Variants in PTPRG observed in about 807,000 individuals in gnomAD.
The protein encoded by PTPRG is receptor-type tyrosine-protein phosphatase gamma.
Under a neutral mutation model 165.3 loss-of-function variants are expected in PTPRG, and 102 were observed. The ratio of observed to expected loss-of-function variants is 0.62; its 90% CI spans 0.53 to 0.73. The LOEUF is 0.73. Among genes scored for constraint, PTPRG ranks in the 30% least tolerant of loss-of-function variants. The probability of loss-of-function intolerance (pLI) is 0.00; values close to 1 mark genes in which losing one functional copy is unlikely to be tolerated. For missense variants in PTPRG, 1,866 were observed against 1,861.4 expected (o/e 1.00, Z -0.05); for synonymous variants, 675 against 669.5 (o/e 1.01, Z -0.13).
At chr3:62,227,389 G>C (rs142568884) in intron 13 of PTPRG, among the ~76,000 whole-genome samples, 3 of 152,218 alleles carry the variant, frequency 2.0e-5, no homozygotes, top group African/African-American at 7.2e-5. Flanking sequence ...CTGTGAAGAC[G>C]TAGGAAAGGG....
At chr3:61,571,505 ATAAG>A (rs1367853125) in intron 1 of PTPRG, among the ~76,000 whole-genome samples, 2 of 152,208 alleles carry the variant, frequency 1.3e-5, no homozygotes, top group Admixed American at 6.5e-5. Context: ...CTACAATTAA[ATAAG>A]TAAGTAATGC....
chr3:61,914,191 G>T (rs2038874538), intron 2 of PTPRG, among the ~76,000 whole-genome samples: 1 of 152,132 alleles, frequency 6.6e-6, no homozygotes, highest in Non-Finnish European at 1.5e-5. Flanking sequence ...CTGGCTTTTT[G>T]ACTTCTTTGA....
At chr3:61,807,046 A>T (rs1359583857) in intron 2 of PTPRG, among the ~76,000 whole-genome samples, 1 of 152,212 alleles carries the variant, frequency 6.6e-6, no homozygotes, top group Non-Finnish European at 1.5e-5. Context: ...GTGATTTATC[A>T]CATGGACGGA....
At position 62,252,227 on chromosome 3, in the gene PTPRG, A is replaced by C. The variant is rs896688976; in HGVS notation, c.2468-2897A>C. Among the ~76,000 whole-genome samples the C allele has an allele frequency of 2.0e-5, 3 of 152,060 alleles. No homozygotes were observed. The highest frequency in any genetic ancestry group is 7.2e-5 in the African/African-American group (3 of 41,396). ...ACTGTTCTTGCTCTCCCTTGTGTTC[A>C]TCTCTTCACCAACACAAATGTCCTT... On this transcript the variant is annotated intron_variant, in intron 15 of 29. Transcript: ENST00000474889. The surrounding 1 kb of genome is among the most constrained non-coding windows in gnomAD (Gnocchi z 4.6).
chr3:62,058,358 A>C (rs936510796), intron 4 of PTPRG, among the ~76,000 whole-genome samples: 1 of 151,816 alleles, frequency 6.6e-6, no homozygotes, highest in African/African-American at 2.4e-5. Context: ...TTTTTTAGAG[A>C]CTGGGTTTTG....
chr3:62,022,782 C>T (rs1403843518), intron 4 of PTPRG, among the ~76,000 whole-genome samples: 1 of 152,266 alleles, frequency 6.6e-6, no homozygotes, highest in South Asian at 2.1e-4. Flanking sequence ...CTGCCCCTTG[C>T]ATTTCAAAGG....
intron 5 of PTPRG, among the ~76,000 whole-genome samples, chr3:62,127,418 A>G (rs1703334341): frequency 6.6e-6 from 1 of 152,160 alleles, no homozygotes; most frequent in African/African-American, 2.4e-5. Context: ...TCATACAGCA[A>G]ATTAGCTTCT....
chr3:61,909,718 C>T (rs375806671), intron 2 of PTPRG, among the ~76,000 whole-genome samples: 28 of 150,094 alleles, frequency 1.9e-4, no homozygotes, highest in African/African-American at 6.6e-4. Context: ...TAGGACTATA[C>T]AGTTTAAACC....
At chr3:61,592,649 CTTTTTTTT>C (rs373986933) in intron 1 of PTPRG, among the ~76,000 whole-genome samples, 4 of 132,874 alleles carry the variant, frequency 3.0e-5, no homozygotes, top group Non-Finnish European at 6.2e-5. Flanking sequence ...TTCTTTCTTT[CTTTTTTTT>C]TTTTTTTAAG....
At chr3:61,924,856 TC>T (rs1304349268) in intron 2 of PTPRG, among the ~76,000 whole-genome samples, 1 of 152,178 alleles carries the variant, frequency 6.6e-6, no homozygotes, top group African/African-American at 2.4e-5. Flanking sequence ...GAAGCCTTGC[TC>T]CCCAGTGTGA....
At chr3:61,917,085 G>A (rs1313275938) in intron 2 of PTPRG, among the ~76,000 whole-genome samples, 1 of 152,146 alleles carries the variant, frequency 6.6e-6, no homozygotes. Context: ...GCTGATGGCA[G>A]ATGCGTTTTG....
intron 1 of PTPRG, among the ~76,000 whole-genome samples, chr3:61,691,962 C>G (rs1287645048): frequency 1.3e-5 from 2 of 152,158 alleles, no homozygotes; most frequent in East Asian, 3.8e-4. Flanking sequence ...AAGACAAATA[C>G]ATTTTCGGTT....
intron 1 of PTPRG, among the ~76,000 whole-genome samples, chr3:61,584,079 C>T (rs1320172): frequency 0.32 from 49,337 of 151,958 alleles, 8,467 homozygotes; most frequent in Middle Eastern, 0.38. Context: ...TTTTTATCTT[C>T]GGGAATCTGA....
In PTPRG at chr3:62,002,503, A is replaced by G. The variant is rs145571944; in HGVS notation, c.371-846A>G. On this transcript the variant is annotated intron_variant, in intron 3 of 29. Coordinates refer to ENST00000474889, the MANE Select transcript of PTPRG (RefSeq NM_002841.4). ...AATAGAATTTGTTTTTTATGCATTT[A>G]GACATTATATTCCTTTTGGAAAAAT... Among the ~76,000 whole-genome samples the G allele has an allele frequency of 1.4e-4, 21 of 152,342 alleles. No individual in the cohort carries two copies. The East Asian group carries it at 4.0e-3, about 29-fold the overall frequency.
At chr3:62,265,925 A>ACACACACACACACACACACACACACACC (rs1401710389) in intron 17 of PTPRG, among the ~76,000 whole-genome samples, 3 of 149,752 alleles carry the variant, frequency 2.0e-5, no homozygotes, top group Non-Finnish European at 4.5e-5. Flanking sequence ...ACACACACAC[A>ACACACACACACACACACACACACACACC]CCATTCTCTC....
chr3:61,724,435 C>G (rs889837484), intron 1 of PTPRG, among the ~76,000 whole-genome samples: 44 of 152,018 alleles, frequency 2.9e-4, no homozygotes, highest in African/African-American at 9.9e-4. Flanking sequence ...CTAGCTGCTA[C>G]AAAGTCAAAT....
chr3:61,759,678 A>T (rs111299259), intron 2 of PTPRG, among the ~76,000 whole-genome samples: 276 of 152,208 alleles, frequency 1.8e-3, no homozygotes, highest in African/African-American at 6.2e-3. Flanking sequence ...TAAGAATACT[A>T]ACAATGTATT....
chr3:61,802,024 C>CAAAAA (rs112361163), intron 2 of PTPRG, among the ~76,000 whole-genome samples: 1 of 112,858 alleles, frequency 8.9e-6, no homozygotes, highest in Admixed American at 9.8e-5. Context: ...GACTCCATCT[C>CAAAAA]AAAAAAAAAA....
intron 1 of PTPRG, among the ~76,000 whole-genome samples, chr3:61,680,642 G>GAAAAA (rs143753582): frequency 6.8e-6 from 1 of 147,340 alleles, no homozygotes; most frequent in East Asian, 2.0e-4. Context: ...GATCAAGGGG[G>GAAAAA]AAAAAAAAAA....
Sources: gnomAD v4.1 joint callset for allele counts (sites outside exome capture counted in the v4.1 genomes callset) on GRCh38, gnomAD v4.1.1 for gene constraint, Gnocchi (gnomAD v3.1) non-coding constraint, MANE v1.5 for transcripts, NCBI Gene and HGNC (gene_info 2026-07-23, HGNC 2026-07-21) for gene names.